Variants in HS3ST3A1 observed in about 807,000 individuals in gnomAD.
The protein encoded by HS3ST3A1 is heparan sulfate-glucosamine 3-sulfotransferase 3A1.
HS3ST3A1 carries 19 observed loss-of-function variants against 25.7 expected under a neutral mutation model. The ratio of observed to expected loss-of-function variants is 0.74; its 90% CI spans 0.52 to 1.08. HS3ST3A1 has a LOEUF of 1.08. HS3ST3A1 is among the 50% of genes least tolerant of loss of function. HS3ST3A1 has a pLI of 0.00. For missense variants in HS3ST3A1, 459 were observed against 594.3 expected, an observed-to-expected ratio of 0.77 and a Z score of 2.37; for synonymous variants, 226 against 278.6, an observed-to-expected ratio of 0.81 and a Z score of 1.88.
Position 13,495,975 on chromosome 17 carries a change from A to C in HS3ST3A1, c.*222T>G, listed in dbSNP as rs1217484456. ...ATAGAACATAAAATAAAAACTGAAAATTGAAAGTGTTTAGACGAGTGAAAT... is the reference window on the plus strand; with the variant it reads ...ATAGAACATAAAATAAAAACTGAAACTTGAAAGTGTTTAGACGAGTGAAAT... On this transcript the variant is annotated 3_prime_UTR_variant, in exon 2 of 2. Coordinates refer to ENST00000284110, the MANE Select transcript of HS3ST3A1 (RefSeq NM_006042.3). 2 of 493,486 alleles carry C rather than the reference A, an allele frequency of 4.1e-6. No individual in the cohort carries two copies. Among genetic ancestry groups the C allele is most frequent in the African/African-American group, 4.0e-5 (2 of 50,390 alleles). The allele number at this position is 493,486 out of a possible 1,614,324, so 30.6% of individuals were successfully genotyped here. A position where few individuals can be genotyped will look rare whatever the true frequency, so the allele number is the denominator to read the frequency against.
intron 1 of HS3ST3A1, among the ~76,000 whole-genome samples, chr17:13,531,285 A>T (rs1002009742): frequency 6.6e-6 from 1 of 152,150 alleles, no homozygotes; most frequent in Non-Finnish European, 1.5e-5. Flanking sequence ...TTGTATTTTC[A>T]TCCATTTTTC....
chr17:13,502,180 G>A (rs1188634550), intron 1 of HS3ST3A1, among the ~76,000 whole-genome samples: 1 of 152,144 alleles, frequency 6.6e-6, no homozygotes, highest in African/African-American at 2.4e-5. Context: ...GGTGCAGGAA[G>A]TGTTATGGTC....
chr17:13,555,260 T>G (rs1457493536), intron 1 of HS3ST3A1, among the ~76,000 whole-genome samples: 1 of 152,146 alleles, frequency 6.6e-6, no homozygotes, highest in African/African-American at 2.4e-5. Context: ...ACCCTTGTTT[T>G]TATAAACCTA....
At chr17:13,586,788 T>C (rs909232823) in intron 1 of HS3ST3A1, among the ~76,000 whole-genome samples, 3 of 135,762 alleles carry the variant, frequency 2.2e-5, no homozygotes, top group Middle Eastern at 9.3e-3. Context: ...GAGAATGGCA[T>C]GAACCCAGGA....
In HS3ST3A1 at chr17:13,511,210, C is replaced by T. The variant is rs534420948; in HGVS notation, c.600-14392G>A. ...TTTATTACAGAAACCGTCACTCCAG[C>T]ATCAGCATAGTGCAACCAGAAACCC... On this transcript the variant is annotated intron_variant, in intron 1 of 1. Transcript: ENST00000284110. Among the ~76,000 whole-genome samples the T allele has an allele frequency of 2.2e-4, 33 of 152,292 alleles. 2 individuals carry two copies. The South Asian group carries it at 6.8e-3, about 32-fold the overall frequency.
At chr17:13,598,013 T>C (rs1293019280) in intron 1 of HS3ST3A1, among the ~76,000 whole-genome samples, 1 of 152,234 alleles carries the variant, frequency 6.6e-6, no homozygotes, top group African/African-American at 2.4e-5. Flanking sequence ...TTCTCCCGTG[T>C]CAATGTACAC....
intron 1 of HS3ST3A1, among the ~76,000 whole-genome samples, chr17:13,506,256 G>C (rs1234132484): frequency 2.0e-5 from 3 of 152,080 alleles, no homozygotes; most frequent in Non-Finnish European, 4.4e-5. Context: ...CCTTGATTTT[G>C]CTATTAATAA....
chr17:13,503,822 G>A (rs532602707), intron 1 of HS3ST3A1, among the ~76,000 whole-genome samples: 7 of 152,280 alleles, frequency 4.6e-5, no homozygotes, highest in South Asian at 4.1e-4. Flanking sequence ...CCAAACGAGC[G>A]CATTCACTGT....
chr17:13,581,948 C>A (rs940534242), intron 1 of HS3ST3A1, among the ~76,000 whole-genome samples: 1 of 152,278 alleles, frequency 6.6e-6, no homozygotes, highest in Non-Finnish European at 1.5e-5. Flanking sequence ...TAGAATGTAA[C>A]ACACAGACTC....
At chr17:13,528,761 G>A (rs1446981600) in intron 1 of HS3ST3A1, among the ~76,000 whole-genome samples, 1 of 152,138 alleles carries the variant, frequency 6.6e-6, no homozygotes, top group East Asian at 1.9e-4. Context: ...AAGTCATGAA[G>A]GAAACTGCAT....
At chr17:13,502,044 T>C in intron 1 of HS3ST3A1, among the ~76,000 whole-genome samples, 1 of 152,144 alleles carries the variant, frequency 6.6e-6, no homozygotes, top group African/African-American at 2.4e-5. Flanking sequence ...AGGAAACTGC[T>C]TGGCAATTTT....
intron 1 of HS3ST3A1, among the ~76,000 whole-genome samples, chr17:13,514,594 T>C (rs905889750): frequency 1.3e-5 from 2 of 152,224 alleles, no homozygotes; most frequent in African/African-American, 4.8e-5. Flanking sequence ...TTTTAATTAT[T>C]GCAATTTGGC....
chr17:13,600,469 A>G, intron 1 of HS3ST3A1, 62 bp downstream of exon 1: 1 of 1,484,518 alleles, frequency 6.7e-7, no homozygotes, highest in Non-Finnish European at 8.9e-7. Context: ...GGGCTCCTCC[A>G]CGTCTTTCCC....
chr17:13,580,805 C>T (rs1032960384), intron 1 of HS3ST3A1, among the ~76,000 whole-genome samples: 3 of 152,056 alleles, frequency 2.0e-5, no homozygotes, highest in Non-Finnish European at 4.4e-5. Flanking sequence ...GCAGTAGAAT[C>T]GCTTGAACCC....
In HS3ST3A1 at chr17:13,494,330, C is replaced by G. The variant is rs746671245; in HGVS notation, c.*1867G>C. On this transcript the variant is annotated 3_prime_UTR_variant, in exon 2 of 2. Coordinates refer to ENST00000284110, the MANE Select transcript of HS3ST3A1 (RefSeq NM_006042.3). The stretch of plus-strand genomic sequence containing the variant: ...TGACCTGGATTTGGGGTTTACTTAA[C>G]TTCTATAAATGGGATATTAACAGAT... 1.3e-5 allele frequency among the ~76,000 whole-genome samples: 2 copies of G among 152,174 alleles called. No homozygotes were observed. The highest frequency in any genetic ancestry group is 2.9e-5 in the Non-Finnish European group (2 of 68,028).
intron 1 of HS3ST3A1, among the ~76,000 whole-genome samples, chr17:13,583,786 T>G (rs1211004061): frequency 6.6e-6 from 1 of 152,210 alleles, no homozygotes; most frequent in Non-Finnish European, 1.5e-5. Context: ...CGAACCTCTA[T>G]GAGTTGGAGA....
At chr17:13,570,413 G>A (rs77403606) in intron 1 of HS3ST3A1, among the ~76,000 whole-genome samples, 7,741 of 151,940 alleles carry the variant, frequency 0.051, 474 homozygotes, top group African/African-American at 0.14. Flanking sequence ...CACCTTATAC[G>A]GTTTTGAAAA....
intron 1 of HS3ST3A1, among the ~76,000 whole-genome samples, chr17:13,537,059 G>A (rs1291987450): frequency 6.6e-6 from 1 of 152,120 alleles, no homozygotes; most frequent in Non-Finnish European, 1.5e-5. Flanking sequence ...ACTTCTGTAT[G>A]GTGTCAACTT....
chr17:13,506,771 A>C (rs1905688838), intron 1 of HS3ST3A1, among the ~76,000 whole-genome samples: 2 of 152,114 alleles, frequency 1.3e-5, no homozygotes, highest in African/African-American at 4.8e-5. Context: ...TGTCAAAGTC[A>C]GGAGGCCGGG....
Sources: allele counts gnomAD v4.1 joint callset (sites outside exome capture counted in the v4.1 genomes callset), GRCh38; gene constraint gnomAD v4.1.1; transcripts MANE v1.5; gene names NCBI Gene and HGNC (gene_info 2026-07-23, HGNC 2026-07-21).